Variants in SLC46A2 observed in about 807,000 individuals in gnomAD.
SLC46A2 encodes solute carrier family 46 member 2.
SLC46A2 carries 25 observed loss-of-function variants against 33.1 expected under a neutral mutation model. The ratio of observed to expected loss-of-function variants is 0.76; its 90% confidence interval spans 0.55 to 1.06. The LOEUF (loss-of-function observed/expected upper bound fraction) is 1.06. Among genes scored for constraint, SLC46A2 ranks in the 50% least tolerant of loss-of-function variants. The pLI, the probability that SLC46A2 is intolerant of heterozygous loss-of-function variation, is 0.00. For synonymous variants in SLC46A2, 254 were observed against 275.9 expected, an observed-to-expected ratio of 0.92 and a Z score of 0.79; for missense variants, 622 against 621.7, an observed-to-expected ratio of 1.00 and a Z score of 0.00.
chr9:112,881,143 C>T (rs1315467534), intron 3 of SLC46A2, among the ~76,000 whole-genome samples: 1 of 152,216 alleles, frequency 6.6e-6, no homozygotes, highest in Non-Finnish European at 1.5e-5. Flanking sequence ...TAGGTCTGAA[C>T]TGAAGTCCTG....
intron 3 of SLC46A2, 111 bp from the exon 4 acceptor site, chr9:112,879,930 T>C (rs1402312218): frequency 1.4e-5 from 13 of 959,418 alleles, no homozygotes; most frequent in Non-Finnish European, 1.8e-5. Flanking sequence ...GGCAAAATCA[T>C]AGGTAGGCAT....
At chr9:112,887,946 TGA>T (rs59654891) in intron 1 of SLC46A2, among the ~76,000 whole-genome samples, 1,448 of 139,340 alleles carry the variant, frequency 0.01, 27 homozygotes, top group African/African-American at 0.034. Context: ...TGTGTGTGTG[TGA>T]GAGAGAGAGA....
In SLC46A2 at chr9:112,886,611, C is replaced by A. The variant is rs1407997819; in HGVS notation, c.1219G>T (p.Val407Leu). 6.2e-7 allele frequency: 1 copy of A among 1,613,930 alleles called. No individual in the cohort carries two copies. The change falls in exon 3 of 4, where the codon GTG (valine) becomes TTG (leucine). Residue 407 changes from valine (V) to leucine (L), a missense_variant. By Grantham distance (32) the Val-to-Leu change is conservative. Transcript: ENST00000374228. Reference protein sequence around the residue: ...KLIKGSSYGKVFVILQLSLAL... With the variant: ...KLIKGSSYGKLFVILQLSLAL... ...AAGGACAGCTGCAGTATGACGAACA[C>A]CTTTCCTGTGGAAGGGACAGAGGTT...
At chr9:112,889,066 C>T (rs1841686830) in intron 1 of SLC46A2, among the ~76,000 whole-genome samples, 1 of 151,936 alleles carries the variant, frequency 6.6e-6, no homozygotes, top group Non-Finnish European at 1.5e-5. Flanking sequence ...AATTTTTATG[C>T]TTTTGGTAGA....
Position 112,888,587 on chromosome 9 carries a change from C to A in SLC46A2, c.1129+966G>T, listed in dbSNP as rs79470728. Among the ~76,000 whole-genome samples the A allele has an allele frequency of 8.1e-3, 1,228 of 152,278 alleles. 19 individuals carry two copies. Among genetic ancestry groups the A allele is most frequent in the African/African-American group, 0.028 (1,178 of 41,532 alleles). ...TAGCTACATTTCAACGGCTCAATAG[C>A]CACATGGAGCCAGTGGCTTCTGTAT... On this transcript the variant is annotated intron_variant, in intron 1 of 3. Coordinates refer to ENST00000374228, the MANE Select transcript of SLC46A2 (RefSeq NM_033051.4).
chr9:112,882,334 T>C lies in SLC46A2; in HGVS notation c.1371-2515A>G, dbSNP rs1453477522. Among the ~76,000 whole-genome samples, 5 of 152,172 alleles carry C rather than the reference T, an allele frequency of 3.3e-5. No individual in the cohort carries two copies. In the East Asian group the frequency reaches 9.6e-4, roughly 29 times the overall value. On this transcript the variant is annotated intron_variant, in intron 3 of 3. Transcript: ENST00000374228. ...ATTGCCCAGGCTGGTCTCAAGCTTC[T>C]AAGCTCAAGCAATTCCCCCACCTCA... is the stretch of plus-strand genomic sequence containing the variant.
Position 112,881,264 on chromosome 9 carries a change from A to G in SLC46A2, c.1371-1445T>C, listed in dbSNP as rs570515074. Among the ~76,000 whole-genome samples the G allele has an allele frequency of 7.2e-5, 11 of 152,298 alleles. No homozygotes were observed. The East Asian group carries it at 1.9e-3, about 27-fold the overall frequency. On this transcript the variant is annotated intron_variant, in intron 3 of 3. Coordinates refer to ENST00000374228, the MANE Select transcript of SLC46A2 (RefSeq NM_033051.4). The stretch of plus-strand genomic sequence containing the variant: ...GCTACAGCGCAGCACTTCTTGATGG[A>G]TGAACAACACCTGGAGTTGCTAAAA...
At chr9:112,886,716 TAC>T in intron 2 of SLC46A2, 100 bp from the exon 3 acceptor site, 2 of 1,246,374 alleles carry the variant, frequency 1.6e-6, no homozygotes, top group South Asian at 1.4e-5. Flanking sequence ...CCTTCCTTCT[TAC>T]TCTCTCTCTC....
intron 3 of SLC46A2, among the ~76,000 whole-genome samples, chr9:112,881,891 A>T (rs1320614631): frequency 1.3e-5 from 2 of 152,112 alleles, no homozygotes; most frequent in Non-Finnish European, 2.9e-5. Flanking sequence ...GGTTAGGAAA[A>T]TTCTCTTTGA....
Position 112,890,661 on chromosome 9 carries a change from G to A in SLC46A2, c.21C>T (p.Cys7=), listed in dbSNP as rs755493581. The part of the protein sequence containing the change: MSPEVT[C]PRRGHLPRFH... Reference sequence around the variant, plus strand: ...AGCGAGGCAGGTGGCCCCTCCGCGGGCAGGTGACCTCGGGGCTCATGTGAC... The same window carrying A: ...AGCGAGGCAGGTGGCCCCTCCGCGGACAGGTGACCTCGGGGCTCATGTGAC... The change falls in exon 1 of 4, where the codon TGC becomes TGT. Residue 7 remains cysteine (C), a synonymous_variant. Coordinates refer to ENST00000374228, the MANE Select transcript of SLC46A2 (RefSeq NM_033051.4). The surrounding 1 kb of genome is among the most constrained non-coding windows in gnomAD (Gnocchi z 6.0). The A allele has an allele frequency of 3.8e-6, 6 of 1,598,170 alleles. No individual in the cohort carries two copies. The East Asian group carries it at 1.3e-4, about 36-fold the overall frequency.
intron 3 of SLC46A2, 123 bp from the exon 4 acceptor site, chr9:112,879,942 G>T: frequency 2.4e-6 from 2 of 831,896 alleles, no homozygotes; most frequent in South Asian, 1.6e-5. Flanking sequence ...GGTAGGCATT[G>T]ACCAAGGTGT....
intron 3 of SLC46A2, among the ~76,000 whole-genome samples, chr9:112,881,048 T>A (rs947715076): frequency 3.3e-5 from 5 of 152,218 alleles, no homozygotes; most frequent in Non-Finnish European, 7.3e-5. Context: ...GCAAGCAGAA[T>A]TAGCTGCCTC....
chr9:112,890,474 G>T lies in SLC46A2; in HGVS notation c.208C>A (p.Gln70Lys). Reference sequence around the variant, plus strand: ...TAGAAATTGGAGATGGCTCTCTGCTGTTGGTCCTCTAGAGCCCCCCGGGGC... The same window carrying T: ...TAGAAATTGGAGATGGCTCTCTGCTTTTGGTCCTCTAGAGCCCCCCGGGGC... ...PSPRGALEDQ[Q>K]QRAISNFYII... The change falls in exon 1 of 4, where the codon CAG (glutamine) becomes AAG (lysine). Residue 70 changes from glutamine (Q) to lysine (K), a missense_variant. Gln to Lys is a moderately conservative substitution (Grantham distance 53, BLOSUM62 1). Coordinates refer to ENST00000374228, the MANE Select transcript of SLC46A2 (RefSeq NM_033051.4). This position sits in a 1 kb window ranked among gnomAD's most constrained non-coding sequence, Gnocchi z 6.0. 2 of 1,614,234 alleles carry T rather than the reference G, an allele frequency of 1.2e-6. No individual in the cohort carries two copies. The highest frequency in any genetic ancestry group is 1.7e-6 in the Non-Finnish European group (2 of 1,180,042).
rs61741119 is a variant in SLC46A2 at position 112,889,593 on chromosome 9, G to A, written c.1089C>T (p.Leu363=). Residue 363 remains leucine (L), a synonymous_variant, in exon 1 of 4, where the codon CTC becomes CTT. Coordinates refer to ENST00000374228, the MANE Select transcript of SLC46A2 (RefSeq NM_033051.4). ...ATGTCTCTTTCACAAAAGCCAAGAGGAGGGCTCCTGACCCAAAGGAGACCA... is the reference window on the plus strand; with the variant it reads ...ATGTCTCTTTCACAAAAGCCAAGAGAAGGGCTCCTGACCCAAAGGAGACCA... ...IGMVSFGSGA[L]LLAFVKETYM... is the part of the protein sequence containing the mutation. The A allele has an allele frequency of 2.8e-3, 4,527 of 1,613,794 alleles. 107 individuals are homozygous for A. The African/African-American group carries it at 0.052, about 19-fold the overall frequency.
chr9:112,882,749 C>A (rs1018637214), intron 3 of SLC46A2, among the ~76,000 whole-genome samples: 3 of 151,996 alleles, frequency 2.0e-5, no homozygotes, highest in Non-Finnish European at 2.9e-5. Flanking sequence ...TTAATGAGAT[C>A]ATGAGATTGG....
intron 2 of SLC46A2, 39 bp from the exon 3 acceptor site, chr9:112,886,655 G>A: frequency 6.2e-7 from 1 of 1,610,238 alleles, no homozygotes; most frequent in Non-Finnish European, 8.5e-7. Flanking sequence ...GTGCCTTGCT[G>A]TCCCTGCCTC....
intron 3 of SLC46A2, chr9:112,881,739 C>G (rs1214210713): frequency 6.6e-6 from 1 of 152,242 alleles, no homozygotes; most frequent in Non-Finnish European, 1.5e-5. Flanking sequence ...TAGCCATGGT[C>G]TCTGCCCTCA....
intron 3 of SLC46A2, among the ~76,000 whole-genome samples, chr9:112,883,071 C>G (rs761434041): frequency 6.6e-6 from 1 of 152,172 alleles, no homozygotes; most frequent in Non-Finnish European, 1.5e-5. Flanking sequence ...AGCAGGTCAA[C>G]GGATGCAGCT....
At position 112,889,766 on chromosome 9, in the gene SLC46A2, G is replaced by C. The variant is rs1244796592; in HGVS notation, c.916C>G (p.Leu306Val). The C allele has an allele frequency of 6.2e-7, 1 of 1,614,152 alleles. No homozygotes were observed. Among genetic ancestry groups the C allele is most frequent in the East Asian group, 2.2e-5 (1 of 44,870 alleles). Reference protein sequence around the residue: ...AVVGTVDVIPLFVLREPLGWN... With the variant: ...AVVGTVDVIPVFVLREPLGWN... Reference sequence around the variant, plus strand: ...CCGAGAGGCTCCCTCAGCACAAAAAGAGGGATCACGTCCACTGTGCCCACC... The same window carrying C: ...CCGAGAGGCTCCCTCAGCACAAAAACAGGGATCACGTCCACTGTGCCCACC... Residue 306 changes from leucine to valine, a missense_variant, in exon 1 of 4, where the codon CTT becomes GTT. Coordinates refer to ENST00000374228, the MANE Select transcript of SLC46A2 (RefSeq NM_033051.4).
Sources: gnomAD v4.1 joint callset for allele counts (sites outside exome capture counted in the v4.1 genomes callset) on GRCh38, gnomAD v4.1.1 for gene constraint, Gnocchi (gnomAD v3.1) non-coding constraint, MANE v1.5 for transcripts, NCBI Gene and HGNC (gene_info 2026-07-23, HGNC 2026-07-21) for gene names.